The following ABLIM2 variants were observed in gnomAD, a reference collection of about 807,000 sequenced individuals.
ABLIM2 encodes the protein actin binding LIM protein family member 2.
ABLIM2 carries 53 observed loss-of-function variants against 97.7 expected under a neutral mutation model. The ratio of observed to expected loss-of-function variants is 0.54; its 90% CI spans 0.44 to 0.68. ABLIM2 has a LOEUF of 0.68. Among genes scored for constraint, ABLIM2 ranks in the 30% least tolerant of loss-of-function variants. The pLI is 0.00. For synonymous variants in ABLIM2, 361 were observed against 345.8 expected, an observed-to-expected ratio of 1.04 and a Z score of -0.49; for missense variants, 835 against 867.2, an observed-to-expected ratio of 0.96 and a Z score of 0.47.
In ABLIM2 at chr4:8,122,680, C is replaced by T. The variant is rs560893990; in HGVS notation, c.11-16043G>A. ...GGGAACATGAACATTCACTTCTTAA[C>T]ACCATCCACTGTCAGACCCTACATG... On this transcript the variant is annotated intron_variant, in intron 1 of 20. Transcript: ENST00000447017. This position sits in a 1 kb window ranked among gnomAD's most constrained non-coding sequence, Gnocchi z 4.1. Among the ~76,000 whole-genome samples the T allele has an allele frequency of 6.6e-5, 10 of 152,212 alleles. No homozygotes were observed. Among genetic ancestry groups the T allele is most frequent in the African/African-American group, 2.2e-4 (9 of 41,454 alleles).
In ABLIM2 at chr4:8,032,566, G is replaced by C. The variant is rs769912339; in HGVS notation, c.1048-2790C>G. ...AAGAGCCACCGAGGAGGCCCTTCCCGGGAGTGCGGCTGGGTGGTTATGTTT... is the reference window on the plus strand; with the variant it reads ...AAGAGCCACCGAGGAGGCCCTTCCCCGGAGTGCGGCTGGGTGGTTATGTTT... On this transcript the variant is annotated intron_variant, in intron 10 of 20. Coordinates refer to ENST00000447017, the MANE Select transcript of ABLIM2 (RefSeq NM_001130083.2). This position sits in a 1 kb window ranked among gnomAD's most constrained non-coding sequence, Gnocchi z 4.3. 1.3e-5 allele frequency: 20 copies of C among 1,580,718 alleles called. No homozygotes were observed. The South Asian group carries it at 2.1e-4, about 17-fold the overall frequency.
At position 8,031,042 on chromosome 4, in the gene ABLIM2, C is replaced by T. The variant is rs954589583; in HGVS notation, c.1048-1266G>A. On this transcript the variant is annotated intron_variant, in intron 10 of 20. Transcript: ENST00000447017. ...ACGGAAGGGGCTCTGCAGAAGATTCCGGTTCTCCAAAGCTGTCAGGACCTG... is the reference window on the plus strand; with the variant it reads ...ACGGAAGGGGCTCTGCAGAAGATTCTGGTTCTCCAAAGCTGTCAGGACCTG... 2.6e-5 allele frequency among the ~76,000 whole-genome samples: 4 copies of T among 152,228 alleles called. No individual in the cohort carries two copies. In the East Asian group the frequency reaches 5.8e-4, roughly 22 times the overall value.
At chr4:8,090,378 C>T (rs1826514221) in intron 3 of ABLIM2, among the ~76,000 whole-genome samples, 1 of 152,194 alleles carries the variant, frequency 6.6e-6, no homozygotes, top group South Asian at 2.1e-4. Context: ...TGCCTGCATT[C>T]CAGGTTTGTA....
intron 9 of ABLIM2, among the ~76,000 whole-genome samples, chr4:8,039,818 G>A (rs1024917760): frequency 6.6e-6 from 1 of 151,412 alleles, no homozygotes; most frequent in African/African-American, 2.4e-5. Flanking sequence ...CATCGGCAGG[G>A]CCACTGTGGC....
chr4:8,134,865 G>A (rs186898687), intron 1 of ABLIM2, among the ~76,000 whole-genome samples: 1 of 152,362 alleles, frequency 6.6e-6, no homozygotes, highest in Admixed American at 6.5e-5. Flanking sequence ...TCCCTTACAT[G>A]TCTATTTGCA....
At chr4:7,971,346 G>T (rs1727849799) in intron 20 of ABLIM2, among the ~76,000 whole-genome samples, 1 of 152,166 alleles carries the variant, frequency 6.6e-6, no homozygotes, top group Non-Finnish European at 1.5e-5. Flanking sequence ...TCACCCCCAG[G>T]GCCCGCGCAG....
intron 1 of ABLIM2, among the ~76,000 whole-genome samples, chr4:8,156,734 G>A (rs1391214570): frequency 1.3e-5 from 2 of 152,232 alleles, no homozygotes; most frequent in African/African-American, 4.8e-5. Context: ...GGGCCACAGG[G>A]GACCTGCCCT....
intron 1 of ABLIM2, among the ~76,000 whole-genome samples, chr4:8,118,997 T>C (rs1844028199): frequency 6.6e-6 from 1 of 152,164 alleles, no homozygotes; most frequent in Non-Finnish European, 1.5e-5. Flanking sequence ...ACTGATGGGG[T>C]GACCTTGAGC....
rs1434029322 is a variant in ABLIM2 at position 8,072,352 on chromosome 4, G to A, written c.675+5276C>T. On this transcript the variant is annotated intron_variant, in intron 6 of 20. Transcript: ENST00000447017. This position sits in a 1 kb window ranked among gnomAD's most constrained non-coding sequence, Gnocchi z 5.8. ...CTGCCTGATGAAACCCACTTTGCTC[G>A]CCCAGTGCGGAGCGTGCCTGAGGCA... Among the ~76,000 whole-genome samples the A allele has an allele frequency of 2.0e-5, 3 of 152,154 alleles. No homozygotes were observed. The highest frequency in any genetic ancestry group is 6.5e-5 in the Admixed American group (1 of 15,278).
intron 2 of ABLIM2, among the ~76,000 whole-genome samples, chr4:8,106,204 C>A (rs1837318878): frequency 6.6e-6 from 1 of 152,224 alleles, no homozygotes; most frequent in Non-Finnish European, 1.5e-5. Flanking sequence ...CCACCTTCCT[C>A]TGGCCGCAGG....
chr4:8,007,827 C>G (rs1762402444), intron 16 of ABLIM2: 2 of 1,326,534 alleles, frequency 1.5e-6, no homozygotes, highest in Non-Finnish European at 9.6e-7. Context: ...TGTGAGGGGA[C>G]ATGCAGGCGT....
In ABLIM2 at chr4:8,019,629, T is replaced by C. The variant is rs1772080633; in HGVS notation, c.1412A>G (p.Tyr471Cys). The change falls in exon 14 of 21, where the codon TAC becomes TGC. Residue 471 changes from tyrosine (Y) to cysteine (C), a missense_variant. Transcript: ENST00000447017. This position sits in a 1 kb window ranked among gnomAD's most constrained non-coding sequence, Gnocchi z 4.3. ...GAATCCAACCGTACCATGCTGTCTG[T>C]AGATAGGGGGTTTCCTATAGATGTT... Reference protein sequence around the residue: ...KDNIYRKPPIYRQHAARRSDG... With the variant: ...KDNIYRKPPICRQHAARRSDG... 6.2e-7 allele frequency: 1 copy of C among 1,612,106 alleles called. No individual in the cohort carries two copies. The highest frequency in any genetic ancestry group is 8.5e-7 in the Non-Finnish European group (1 of 1,179,272).
Position 8,122,298 on chromosome 4 carries a change from C to T in ABLIM2, c.11-15661G>A, listed in dbSNP as rs1487711784. On this transcript the variant is annotated intron_variant, in intron 1 of 20. Coordinates refer to ENST00000447017, the MANE Select transcript of ABLIM2 (RefSeq NM_001130083.2). This position sits in a 1 kb window ranked among gnomAD's most constrained non-coding sequence, Gnocchi z 4.1. ...GAGCTGGAGAGGTCCCCCACTTTGT[C>T]CTCGGCTCCCATCCTCCATTTCCCA... Among the ~76,000 whole-genome samples the T allele has an allele frequency of 6.6e-6, 1 of 152,190 alleles. No individual in the cohort carries two copies. The highest frequency in any genetic ancestry group is 1.5e-5 in the Non-Finnish European group (1 of 68,026).
intron 3 of ABLIM2, among the ~76,000 whole-genome samples, chr4:8,092,388 C>T (rs111467119): frequency 1.4e-4 from 22 of 152,098 alleles, no homozygotes; most frequent in East Asian, 1.9e-4. Flanking sequence ...AAGCTGGGAA[C>T]GGAATCATGC....
At chr4:8,066,360 GGGAAGGAAGGAAGGAAGGAA>G (rs766354971) in intron 6 of ABLIM2, among the ~76,000 whole-genome samples, 2,092 of 51,192 alleles carry the variant, frequency 0.041, 80 homozygotes, top group Non-Finnish European at 0.06. Context: ...GAGGGAGGGA[GGGAAGGAAGGAAGGAAGGAA>G]GGAAGGAAGG....
Position 8,082,957 on chromosome 4 carries a change from T to C in ABLIM2, c.455-2155A>G, listed in dbSNP as rs1309753400. Among the ~76,000 whole-genome samples the C allele has an allele frequency of 2.0e-5, 3 of 152,176 alleles. No homozygotes were observed. The highest frequency in any genetic ancestry group is 4.4e-5 in the Non-Finnish European group (3 of 68,028). On this transcript the variant is annotated intron_variant, in intron 4 of 20. Transcript: ENST00000447017. The surrounding 1 kb of genome is among the most constrained non-coding windows in gnomAD (Gnocchi z 5.6). ...AGCTCTGCATCAGTGGCTCTCAACTTGGGGCACTTTTGCCCAAGAGACATT... is the reference window on the plus strand; with the variant it reads ...AGCTCTGCATCAGTGGCTCTCAACTCGGGGCACTTTTGCCCAAGAGACATT...
chr4:8,008,343 G>A lies in ABLIM2; in HGVS notation c.1477-143C>T, dbSNP rs1762713899. ...GAAAACTCAATATGTGAGAGATGCA[G>A]CTTTCAATAAAAATCTTGCCATTTA... On this transcript the variant is annotated intron_variant, in intron 15 of 20. Transcript: ENST00000447017. 3 of 768,546 alleles carry A rather than the reference G, an allele frequency of 3.9e-6. No homozygotes were observed. The South Asian group carries it at 5.6e-5, about 14-fold the overall frequency. 47.6% of individuals were successfully genotyped at this position (768,546 alleles called of 1,614,324 possible). A position where few individuals can be genotyped will look rare whatever the true frequency, so the allele number is the denominator to read the frequency against.
intron 9 of ABLIM2, among the ~76,000 whole-genome samples, chr4:8,037,651 C>T (rs1449424051): frequency 6.6e-6 from 1 of 152,100 alleles, no homozygotes; most frequent in Admixed American, 6.5e-5. Context: ...AATCACCCCA[C>T]CCCTACCAAG....
chr4:8,137,022 A>G (rs557340681), intron 1 of ABLIM2, among the ~76,000 whole-genome samples: 28 of 152,250 alleles, frequency 1.8e-4, no homozygotes, highest in Non-Finnish European at 3.4e-4. Flanking sequence ...ATAGGAGGAC[A>G]CAGTGAGAAG....
Sources: allele counts gnomAD v4.1 joint callset (sites outside exome capture counted in the v4.1 genomes callset), GRCh38; gene constraint gnomAD v4.1.1; non-coding constraint Gnocchi (gnomAD v3.1); transcripts MANE v1.5; gene names NCBI Gene and HGNC (gene_info 2026-07-23, HGNC 2026-07-21).